ELMO1: variants seen among roughly 807,000 people sequenced by gnomAD.
The protein encoded by ELMO1 is engulfment and cell motility protein 1.
A neutral mutation model predicts 98.9 loss-of-function variants in ELMO1; 26 were observed. The observed-to-expected ratio is 0.26, with a 90% CI of 0.19 to 0.36. The LOEUF is 0.36. Among genes scored for constraint, ELMO1 ranks in the 10% least tolerant of loss-of-function variants. The pLI, the probability that ELMO1 is intolerant of heterozygous loss-of-function variation, is 1.00. For missense variants in ELMO1, 627 were observed against 935.2 expected (o/e 0.67, Z 4.30); for synonymous variants, 346 against 346.0 (o/e 1.00, Z 0.00).
intron 4 of ELMO1, among the ~76,000 whole-genome samples, chr7:37,296,377 C>T (rs1000029260): frequency 1.3e-5 from 2 of 152,270 alleles, no homozygotes; most frequent in South Asian, 2.1e-4. Flanking sequence ...CGCTATTTCT[C>T]GGGGCCAACA....
intron 10 of ELMO1, among the ~76,000 whole-genome samples, chr7:37,220,190 G>A (rs1793516501): frequency 6.6e-6 from 1 of 152,080 alleles, no homozygotes; most frequent in Non-Finnish European, 1.5e-5. Flanking sequence ...GAGCTATCTC[G>A]CTACTCACTG....
rs565079734 is a variant in ELMO1, at chr7:36,892,063, G to A, written c.1601+2791C>T. ...CTAAGAAATAAAACAGAGCTTCTTT[G>A]ACCCACTGAATATATATTCCCCCAA... On this transcript the variant is annotated intron_variant, in intron 17 of 21. Coordinates refer to ENST00000310758, the MANE Select transcript of ELMO1 (RefSeq NM_014800.11). 6.8e-4 allele frequency among the ~76,000 whole-genome samples: 103 copies of A among 152,244 alleles called. 1 individual carries two copies. The highest frequency in any genetic ancestry group is 2.4e-3 in the African/African-American group (100 of 41,550).
rs1792969045 is a variant in ELMO1, at chr7:37,211,491, A to C, written c.981T>G (p.Leu327=). The C allele has an allele frequency of 6.2e-7, 1 of 1,613,908 alleles. No homozygotes were observed. Among genetic ancestry groups the C allele is most frequent in the Admixed American group, 1.7e-5 (1 of 59,998 alleles). The change falls in exon 13 of 22, where the codon CTT becomes CTG. Residue 327 remains leucine, a synonymous_variant. Coordinates refer to ENST00000310758, the MANE Select transcript of ELMO1 (RefSeq NM_014800.11). ...DQAQRDIIFE[L]RRIAFDAESE... ...ACTCAGCATCAAAAGCAATTCTTCG[A>C]AGTTCAAATATGATGTCCCTCTGAG...
intron 10 of ELMO1, chr7:37,217,869 C>A (rs1793383511): frequency 4.5e-6 from 2 of 447,488 alleles, no homozygotes; most frequent in African/African-American, 2.0e-5. Flanking sequence ...CCCTGCTGAC[C>A]CACTGCATTG....
intron 2 of ELMO1, among the ~76,000 whole-genome samples, chr7:37,318,806 C>T (rs1799338683): frequency 6.6e-6 from 1 of 152,188 alleles, no homozygotes; most frequent in Non-Finnish European, 1.5e-5. Flanking sequence ...CACCCAAAAA[C>T]TAATTCCAAT....
chr7:37,243,794 A>G (rs1794868289), intron 7 of ELMO1, among the ~76,000 whole-genome samples: 1 of 152,194 alleles, frequency 6.6e-6, no homozygotes, highest in African/African-American at 2.4e-5. Flanking sequence ...CACCCTGTTT[A>G]ATGGTTAAGA....
chr7:37,135,274 G>A (rs2129302052), intron 13 of ELMO1, among the ~76,000 whole-genome samples: 1 of 152,306 alleles, frequency 6.6e-6, no homozygotes, highest in Admixed American at 6.5e-5. Flanking sequence ...AGGACTAGTT[G>A]CAGCTTCCAT....
intron 1 of ELMO1, among the ~76,000 whole-genome samples, chr7:37,345,574 G>A (rs1800959159): frequency 6.6e-6 from 1 of 152,164 alleles, no homozygotes; most frequent in African/African-American, 2.4e-5. Flanking sequence ...AGCCTGGCGT[G>A]GTGGTGCTTG....
At chr7:37,004,176 A>G (rs1792885108) in intron 16 of ELMO1, among the ~76,000 whole-genome samples, 1 of 152,172 alleles carries the variant, frequency 6.6e-6, no homozygotes, top group African/African-American at 2.4e-5. Flanking sequence ...TAAAATGCCT[A>G]AATCTCATCA....
intron 4 of ELMO1, among the ~76,000 whole-genome samples, chr7:37,292,201 C>A (rs1233510011): frequency 8.8e-6 from 1 of 114,106 alleles, no homozygotes; most frequent in Non-Finnish European, 2.1e-5. Context: ...CCGCCAGCCT[C>A]GGCCTCCCGA....
At chr7:36,882,577 G>A (rs1013928934) in intron 18 of ELMO1, among the ~76,000 whole-genome samples, 6 of 152,186 alleles carry the variant, frequency 3.9e-5, no homozygotes, top group African/African-American at 1.4e-4. Flanking sequence ...GAGTCCCTAG[G>A]TACTTTCCAA....
chr7:37,142,191 C>A (rs1473540843), intron 13 of ELMO1, among the ~76,000 whole-genome samples: 1 of 152,140 alleles, frequency 6.6e-6, no homozygotes, highest in East Asian at 1.9e-4. Flanking sequence ...AATAAATGAC[C>A]AGAGATTAAG....
chr7:37,296,577 C>T (rs577154836), intron 4 of ELMO1, among the ~76,000 whole-genome samples: 1 of 152,276 alleles, frequency 6.6e-6, no homozygotes, highest in African/African-American at 2.4e-5. Context: ...TTCACAGACC[C>T]AGATCACATT....
At chr7:36,991,323 C>G (rs994534494) in intron 16 of ELMO1, among the ~76,000 whole-genome samples, 1 of 152,140 alleles carries the variant, frequency 6.6e-6, no homozygotes, top group African/African-American at 2.4e-5. Context: ...AGCAACAGGC[C>G]CAGTGCAGAC....
intron 13 of ELMO1, among the ~76,000 whole-genome samples, chr7:37,171,401 G>T (rs1453718459): frequency 1.4e-5 from 2 of 145,594 alleles, no homozygotes; most frequent in East Asian, 4.1e-4. Flanking sequence ...TACAGCAGCA[G>T]TATTTAAATA....
At chr7:37,144,348 CAAGAA>C (rs1787847754) in intron 13 of ELMO1, among the ~76,000 whole-genome samples, 1 of 151,926 alleles carries the variant, frequency 6.6e-6, no homozygotes, top group African/African-American at 2.4e-5. Flanking sequence ...ATTTTAATAA[CAAGAA>C]AAGGAAAAGA....
intron 13 of ELMO1, among the ~76,000 whole-genome samples, chr7:37,143,306 C>A (rs1412680322): frequency 6.6e-6 from 1 of 152,240 alleles, no homozygotes; most frequent in East Asian, 1.9e-4. Flanking sequence ...CCAGGTTGAT[C>A]AACAACCCAA....
chr7:37,077,422 G>T (rs189747862), intron 15 of ELMO1, among the ~76,000 whole-genome samples: 9 of 152,326 alleles, frequency 5.9e-5, no homozygotes, highest in African/African-American at 1.9e-4. Flanking sequence ...GATTTCTGGG[G>T]CGTGGTGGTG....
chr7:36,948,545 A>G (rs1787701169), intron 16 of ELMO1, among the ~76,000 whole-genome samples: 1 of 152,220 alleles, frequency 6.6e-6, no homozygotes, highest in Admixed American at 6.5e-5. Context: ...CTACCCCTCC[A>G]CAGAGCAGTA....
Sources: gnomAD v4.1 joint callset for allele counts (sites outside exome capture counted in the v4.1 genomes callset) on GRCh38, gnomAD v4.1.1 for gene constraint, MANE v1.5 for transcripts, NCBI Gene and HGNC (gene_info 2026-07-23, HGNC 2026-07-21) for gene names.